GALNT18: variants seen among roughly 807,000 people sequenced by gnomAD.
GALNT18 encodes polypeptide N-acetylgalactosaminyltransferase 18.
A neutral mutation model predicts 69.5 loss-of-function variants in GALNT18; 44 were observed. The ratio of observed to expected loss-of-function variants is 0.63; its 90% confidence interval spans 0.50 to 0.81. GALNT18 has a LOEUF of 0.81. Ranked by LOEUF, GALNT18 falls within the 40% of genes least tolerant of loss-of-function variation. The probability of loss-of-function intolerance (pLI) is 0.00; values close to 1 mark genes in which losing one functional copy is unlikely to be tolerated. For missense variants in GALNT18, 715 were observed against 810.0 expected (o/e 0.88, Z 1.42); for synonymous variants, 364 against 318.2 (o/e 1.14, Z -1.53).
chr11:11,444,918 T>A lies in GALNT18; in HGVS notation c.428+3826A>T, dbSNP rs11021855. 0.22 allele frequency among the ~76,000 whole-genome samples: 33,270 copies of A among 152,122 alleles called. 4,209 individuals carry two copies. The highest frequency in any genetic ancestry group is 0.6 in the East Asian group (3,094 of 5,136). ...CACACAGCATGAATCTTCCAGAGACTGCAGTGACTGTGGGCTTCCTCTCCA... is the reference window on the plus strand; with the variant it reads ...CACACAGCATGAATCTTCCAGAGACAGCAGTGACTGTGGGCTTCCTCTCCA... On this transcript the variant is annotated intron_variant, in intron 2 of 10. Coordinates refer to ENST00000227756, the MANE Select transcript of GALNT18 (RefSeq NM_198516.3). This position sits in a 1 kb window ranked among gnomAD's most constrained non-coding sequence, Gnocchi z 4.4.
At chr11:11,456,798 A>G (rs1170120726) in intron 1 of GALNT18, among the ~76,000 whole-genome samples, 1 of 152,142 alleles carries the variant, frequency 6.6e-6, no homozygotes, top group Admixed American at 6.5e-5. Context: ...CTGTTTTTCA[A>G]AAAGTTCTAC....
At chr11:11,517,246 C>A (rs1206502019) in intron 1 of GALNT18, among the ~76,000 whole-genome samples, 1 of 152,206 alleles carries the variant, frequency 6.6e-6, no homozygotes, top group Non-Finnish European at 1.5e-5. Context: ...CTAAGATACC[C>A]AGATAAGGTC....
chr11:11,306,214 TG>T (rs1188818999), intron 9 of GALNT18, among the ~76,000 whole-genome samples: 1 of 23,454 alleles, frequency 4.3e-5, no homozygotes, highest in Non-Finnish European at 1.5e-4. Context: ...TGTGTGTGTC[TG>T]TGTGTGCATG....
intron 9 of GALNT18, among the ~76,000 whole-genome samples, chr11:11,297,813 A>G (rs1849428508): frequency 6.6e-6 from 1 of 151,748 alleles, no homozygotes; most frequent in Non-Finnish European, 1.5e-5. Context: ...GATTTGGCTC[A>G]TTCTCTACTC....
intron 1 of GALNT18, among the ~76,000 whole-genome samples, chr11:11,492,973 A>T (rs2133887802): frequency 1.3e-5 from 2 of 152,228 alleles, no homozygotes; most frequent in Admixed American, 1.3e-4. Flanking sequence ...TGACTTTAAA[A>T]TTTCTTGGGC....
chr11:11,399,760 G>A (rs1318920244), intron 3 of GALNT18, among the ~76,000 whole-genome samples: 2 of 152,194 alleles, frequency 1.3e-5, no homozygotes, highest in African/African-American at 2.4e-5. Context: ...ACAACTCACA[G>A]AGTTGTTAAA....
At chr11:11,476,373 A>T (rs1003735937) in intron 1 of GALNT18, 4 of 152,090 alleles carry the variant, frequency 2.6e-5, no homozygotes, top group Non-Finnish European at 5.9e-5. Context: ...ATTCAGGGAT[A>T]CCCAGAGCTG....
Position 11,421,426 on chromosome 11 carries a change from C to T in GALNT18, c.595+11195G>A, listed in dbSNP as rs1016144544. ...CCATGATGTAGGAAGCCAGGTGGAT[C>T]GAACCGTGGAAGCAGAGCCCCAGTT... On this transcript the variant is annotated intron_variant, in intron 3 of 10. Coordinates refer to ENST00000227756, the MANE Select transcript of GALNT18 (RefSeq NM_198516.3). The surrounding 1 kb of genome is among the most constrained non-coding windows in gnomAD (Gnocchi z 5.6). Among the ~76,000 whole-genome samples, 2 of 152,172 alleles carry T rather than the reference C, an allele frequency of 1.3e-5. No homozygotes were observed. The highest frequency in any genetic ancestry group is 4.2e-4 in the South Asian group (2 of 4,802).
At chr11:11,282,312 G>A (rs1849097170) in intron 10 of GALNT18, among the ~76,000 whole-genome samples, 1 of 152,184 alleles carries the variant, frequency 6.6e-6, no homozygotes, top group Non-Finnish European at 1.5e-5. Context: ...TCTGCCTGCA[G>A]GTTCTGCAGC....
At chr11:11,534,319 G>A (rs7926108) in intron 1 of GALNT18, among the ~76,000 whole-genome samples, 102,351 of 152,078 alleles carry the variant, frequency 0.67, 34,722 homozygotes, top group East Asian at 0.81. Flanking sequence ...AGAACCCTCT[G>A]AAGGAGGAAG....
rs1394648289 is a variant in GALNT18 at position 11,314,502 on chromosome 11, C to T, written c.1512+12584G>A. Among the ~76,000 whole-genome samples the T allele has an allele frequency of 1.3e-5, 2 of 152,130 alleles. No homozygotes were observed. Among genetic ancestry groups the T allele is most frequent in the Non-Finnish European group, 2.9e-5 (2 of 68,012 alleles). On this transcript the variant is annotated intron_variant, in intron 9 of 10. Transcript: ENST00000227756. The surrounding 1 kb of genome is among the most constrained non-coding windows in gnomAD (Gnocchi z 5.2). The stretch of plus-strand genomic sequence containing the variant: ...TGCCTATAACATCCGTTGGCTCCCT[C>T]CCTGTCTGCCTGCTCCCCTGACCCT...
intron 3 of GALNT18, among the ~76,000 whole-genome samples, chr11:11,423,047 T>C (rs917167939): frequency 1.2e-4 from 18 of 152,158 alleles, no homozygotes; most frequent in Admixed American, 1.3e-4. Flanking sequence ...ATATGCTGCT[T>C]ATGCATGCAC....
chr11:11,517,844 G>A (rs1333300152), intron 1 of GALNT18, among the ~76,000 whole-genome samples: 2 of 152,070 alleles, frequency 1.3e-5, no homozygotes, highest in Non-Finnish European at 2.9e-5. Flanking sequence ...TCTAACCAAA[G>A]TAAGAACACT....
rs767914518 is a variant in GALNT18, at chr11:11,591,104, T to C, written c.235+30255A>G. The stretch of plus-strand genomic sequence containing the variant: ...CATGTTATTGCCCAATGGGACAAGA[T>C]GTGGAGGTGGAAGACAGTGACATTG... On this transcript the variant is annotated intron_variant, in intron 1 of 10. Coordinates refer to ENST00000227756, the MANE Select transcript of GALNT18 (RefSeq NM_198516.3). The surrounding 1 kb of genome is among the most constrained non-coding windows in gnomAD (Gnocchi z 4.8). Among the ~76,000 whole-genome samples the C allele has an allele frequency of 2.8e-4, 43 of 151,782 alleles. No homozygotes were observed. The highest frequency in any genetic ancestry group is 2.6e-4 in the Admixed American group (4 of 15,228).
At position 11,620,332 on chromosome 11, in the gene GALNT18, C is replaced by T. The variant is rs11021957; in HGVS notation, c.235+1027G>A. On this transcript the variant is annotated intron_variant, in intron 1 of 10. Transcript: ENST00000227756. The surrounding 1 kb of genome is among the most constrained non-coding windows in gnomAD (Gnocchi z 6.9). ...GTGGACGTGAGCGCGCGCGCGCGCGCGTGTGTGTGTGTGTGTGCACACCCG... is the reference window on the plus strand; with the variant it reads ...GTGGACGTGAGCGCGCGCGCGCGCGTGTGTGTGTGTGTGTGTGCACACCCG... 0.39 allele frequency among the ~76,000 whole-genome samples: 34,485 copies of T among 88,224 alleles called. 4,154 individuals are homozygous for T. Among genetic ancestry groups the T allele is most frequent in the East Asian group, 0.47 (911 of 1,934 alleles). The allele number at this position is 88,224 out of a possible 152,430, so 57.9% of individuals were successfully genotyped here.
intron 3 of GALNT18, among the ~76,000 whole-genome samples, chr11:11,391,949 C>T (rs985016075): frequency 2.6e-5 from 4 of 152,264 alleles, no homozygotes; most frequent in African/African-American, 7.2e-5. Context: ...GTGCCACAGG[C>T]GTGTGTTTCG....
At position 11,546,032 on chromosome 11, in the gene GALNT18, T is replaced by C. The variant is rs937888129; in HGVS notation, c.235+75327A>G. On this transcript the variant is annotated intron_variant, in intron 1 of 10. Coordinates refer to ENST00000227756, the MANE Select transcript of GALNT18 (RefSeq NM_198516.3). This position sits in a 1 kb window ranked among gnomAD's most constrained non-coding sequence, Gnocchi z 5.8. ...TGGGGAGGTTCCCAGCTTTAGAACATTGGCAAACAAGCAGGATTAGGCCCC... is the reference window on the plus strand; with the variant it reads ...TGGGGAGGTTCCCAGCTTTAGAACACTGGCAAACAAGCAGGATTAGGCCCC... Among the ~76,000 whole-genome samples the C allele has an allele frequency of 3.3e-5, 5 of 152,066 alleles. No homozygotes were observed. Among genetic ancestry groups the C allele is most frequent in the Admixed American group, 1.3e-4 (2 of 15,278 alleles).
chr11:11,441,983 T>C (rs1590005035), intron 2 of GALNT18, among the ~76,000 whole-genome samples: 2 of 152,350 alleles, frequency 1.3e-5, no homozygotes, highest in East Asian at 3.9e-4. Context: ...ATTGTCACTG[T>C]AACAAATTAT....
intron 2 of GALNT18, among the ~76,000 whole-genome samples, chr11:11,434,968 T>G (rs931733246): frequency 6.6e-5 from 10 of 152,098 alleles, no homozygotes; most frequent in Non-Finnish European, 1.5e-4. Flanking sequence ...CAGAGATGAG[T>G]ATTAACACAA....
Sources: gnomAD v4.1 joint callset for allele counts (sites outside exome capture counted in the v4.1 genomes callset) on GRCh38, gnomAD v4.1.1 for gene constraint, Gnocchi (gnomAD v3.1) non-coding constraint, MANE v1.5 for transcripts, NCBI Gene and HGNC (gene_info 2026-07-23, HGNC 2026-07-21) for gene names.